The following JPH2 variants were observed in gnomAD, a reference collection of about 807,000 sequenced individuals.
The protein encoded by JPH2 is junctophilin-2.
Under a neutral mutation model 55.9 loss-of-function variants are expected in JPH2, and 38 were observed. That is an observed-to-expected ratio of 0.68 (90% confidence interval 0.52 to 0.89). The LOEUF (loss-of-function observed/expected upper bound fraction) is 0.89, where lower values mean the gene tolerates loss of function less well. Ranked by LOEUF, JPH2 falls within the 40% of genes least tolerant of loss-of-function variation. The pLI is 0.00. For synonymous variants in JPH2, 480 were observed against 472.4 expected, an observed-to-expected ratio of 1.02 and a Z score of -0.21; for missense variants, 964 against 1,037.6, an observed-to-expected ratio of 0.93 and a Z score of 0.97.
At position 44,109,867 on chromosome 20, in the gene JPH2, C is replaced by T. The variant is rs1228078648; in HGVS notation, c.*3651G>A. Among the ~76,000 whole-genome samples the T allele has an allele frequency of 6.6e-6, 1 of 152,134 alleles. No individual in the cohort carries two copies. Among genetic ancestry groups the T allele is most frequent in the Non-Finnish European group, 1.5e-5 (1 of 68,028 alleles). On this transcript the variant is annotated 3_prime_UTR_variant, in exon 6 of 6. Coordinates refer to ENST00000372980, the MANE Select transcript of JPH2 (RefSeq NM_020433.5). ...CTTCTTGCCCGAATCCCAAATCTGA[C>T]TCCCACGGTTCCTAGGTCCCCTCCC...
At chr20:44,135,015 G>C (rs1285208161) in intron 2 of JPH2, among the ~76,000 whole-genome samples, 1 of 146,832 alleles carries the variant, frequency 6.8e-6, no homozygotes, top group Non-Finnish European at 1.5e-5. Context: ...ATACCAAGAG[G>C]GGTAGGGGGG....
In JPH2 at chr20:44,118,628, G is replaced by A. The variant is rs750632472; in HGVS notation, c.1170-5C>T. On this transcript the variant is annotated splice_polypyrimidine_tract_variant and splice_region_variant and intron_variant, in intron 2 of 5. Transcript: ENST00000372980. ...TTGGCCTTGGCGTGGCTTGTCCTAT[G>A]GAGACAATGTGGCAGAAGACTCAGG... 1 of 1,605,616 alleles carries A rather than the reference G, an allele frequency of 6.2e-7. No homozygotes were observed. Among genetic ancestry groups the A allele is most frequent in the South Asian group, 1.1e-5 (1 of 91,020 alleles).
At chr20:44,138,421 C>T (rs1269805315) in intron 2 of JPH2, among the ~76,000 whole-genome samples, 2 of 152,172 alleles carry the variant, frequency 1.3e-5, no homozygotes, top group African/African-American at 4.8e-5. Context: ...CTCTTTCGCC[C>T]AGGCTGGAGT....
At chr20:44,154,743 G>A (rs1375841024) in intron 2 of JPH2, among the ~76,000 whole-genome samples, 1 of 152,214 alleles carries the variant, frequency 6.6e-6, no homozygotes, top group Non-Finnish European at 1.5e-5. Context: ...CCCCAGGGAT[G>A]GGGAGAGTCC....
rs993252708 is a variant in JPH2, at chr20:44,110,091, G to A, written c.*3427C>T. On this transcript the variant is annotated 3_prime_UTR_variant, in exon 6 of 6. Transcript: ENST00000372980. ...GTGTCCTACCCTTGAGCCAACAGGG[G>A]GTGCTGTCTCCGACTAACCCTACCT... is the stretch of plus-strand genomic sequence containing the variant. Among the ~76,000 whole-genome samples, 2 of 152,228 alleles carry A rather than the reference G, an allele frequency of 1.3e-5. No homozygotes were observed. The highest frequency in any genetic ancestry group is 2.1e-4 in the South Asian group (1 of 4,812).
At chr20:44,151,653 C>G (rs2072531711) in intron 2 of JPH2, among the ~76,000 whole-genome samples, 1 of 152,130 alleles carries the variant, frequency 6.6e-6, no homozygotes. Flanking sequence ...TCCCATGGTC[C>G]CACCACCCTC....
At chr20:44,185,125 C>T (rs978683840) in intron 1 of JPH2, among the ~76,000 whole-genome samples, 2 of 151,862 alleles carry the variant, frequency 1.3e-5, no homozygotes, top group African/African-American at 4.8e-5. Context: ...ATAGTAAGAC[C>T]CCATCTCTAC....
intron 5 of JPH2, among the ~76,000 whole-genome samples, chr20:44,114,330 C>T (rs1292195559): frequency 2.0e-5 from 3 of 152,170 alleles, no homozygotes; most frequent in Non-Finnish European, 4.4e-5. Flanking sequence ...CCCAGGTGAG[C>T]TCAGTCTAGA....
intron 3 of JPH2, 133 bp from the exon 4 acceptor site, chr20:44,116,519 G>C (rs1015547703): frequency 4.8e-5 from 48 of 1,005,020 alleles, no homozygotes; most frequent in Non-Finnish European, 6.9e-5. Context: ...CAAGTGCCAG[G>C]CACTGTTCCA....
chr20:44,123,169 G>A (rs950615699), intron 2 of JPH2, among the ~76,000 whole-genome samples: 3 of 152,092 alleles, frequency 2.0e-5, no homozygotes, highest in Non-Finnish European at 4.4e-5. Flanking sequence ...CCAACCACCC[G>A]GCCCGCTGCA....
chr20:44,183,760 T>C (rs2072806744), intron 1 of JPH2, among the ~76,000 whole-genome samples: 1 of 152,182 alleles, frequency 6.6e-6, no homozygotes, highest in Non-Finnish European at 1.5e-5. Flanking sequence ...AGTTCCTCTT[T>C]CCAATGCAGC....
rs565050066 is a variant in JPH2 at position 44,107,715 on chromosome 20, G to A, written c.*5803C>T. Among the ~76,000 whole-genome samples, 1 of 152,296 alleles carries A rather than the reference G, an allele frequency of 6.6e-6. No individual in the cohort carries two copies. The highest frequency in any genetic ancestry group is 2.1e-4 in the South Asian group (1 of 4,826). On this transcript the variant is annotated 3_prime_UTR_variant, in exon 6 of 6. Transcript: ENST00000372980. ...CCAAGCTTACACTAACTAATGCATG[G>A]ATATAGAGATGAATCACAGATAGCC...
At chr20:44,122,950 C>CT (rs11452236) in intron 2 of JPH2, among the ~76,000 whole-genome samples, 21,779 of 152,076 alleles carry the variant, frequency 0.14, 1,712 homozygotes, top group Admixed American at 0.25. Flanking sequence ...AGAAAATGCC[C>CT]TTTTTTTGGT....
At chr20:44,124,040 G>T (rs539814483) in intron 2 of JPH2, among the ~76,000 whole-genome samples, 215 of 152,296 alleles carry the variant, frequency 1.4e-3, no homozygotes, top group Non-Finnish European at 2.5e-3. Flanking sequence ...CTGCTTGGGG[G>T]AAGGGAGCAG....
At position 44,135,032 on chromosome 20, in the gene JPH2, G is replaced by A. The variant is rs1258849750; in HGVS notation, c.1170-16409C>T. ...ACCAAGAGGGGTAGGGGGGATGCCT[G>A]GGGGGCTCAGGGAGGCTGCTAGTGA... On this transcript the variant is annotated intron_variant, in intron 2 of 5. Coordinates refer to ENST00000372980, the MANE Select transcript of JPH2 (RefSeq NM_020433.5). Among the ~76,000 whole-genome samples, 12 of 148,360 alleles carry A rather than the reference G, an allele frequency of 8.1e-5. No individual in the cohort carries two copies. In the East Asian group the frequency reaches 2.2e-3, roughly 27 times the overall value.
chr20:44,168,016 G>A (rs2072669748), intron 1 of JPH2, among the ~76,000 whole-genome samples: 1 of 152,204 alleles, frequency 6.6e-6, no homozygotes, highest in South Asian at 2.1e-4. Context: ...CAGGTCTTGA[G>A]TGGCAGGGAG....
In JPH2 at chr20:44,178,636, C is replaced by A. The variant is rs149055072; in HGVS notation, c.379+7691G>T. On this transcript the variant is annotated intron_variant, in intron 1 of 5. Transcript: ENST00000372980. ...TTTGTTTTTGTTTTTGAGACAGGGT[C>A]TCACTCTGTTGCCCAGGCTGAAGAA... Among the ~76,000 whole-genome samples, 430 of 152,188 alleles carry A rather than the reference C, an allele frequency of 2.8e-3. 5 individuals are homozygous for A. The highest frequency in any genetic ancestry group is 0.01 in the African/African-American group (419 of 41,532).
At chr20:44,141,213 C>T (rs558651667) in intron 2 of JPH2, among the ~76,000 whole-genome samples, 23 of 152,308 alleles carry the variant, frequency 1.5e-4, no homozygotes, top group African/African-American at 5.3e-4. Flanking sequence ...AGGGAAGCAA[C>T]GCATCCGGCT....
At chr20:44,154,026 G>C (rs757979389) in intron 2 of JPH2, among the ~76,000 whole-genome samples, 69 of 152,174 alleles carry the variant, frequency 4.5e-4, no homozygotes, top group Non-Finnish European at 1.0e-4. Flanking sequence ...CATCACAAAA[G>C]AGTTCTTAGC....
Sources: allele counts gnomAD v4.1 joint callset (sites outside exome capture counted in the v4.1 genomes callset), GRCh38; gene constraint gnomAD v4.1.1; transcripts MANE v1.5; gene names NCBI Gene and HGNC (gene_info 2026-07-23, HGNC 2026-07-21).